The following NOMO2 variants were observed in gnomAD, a reference collection of about 807,000 sequenced individuals.
NOMO2 encodes NODAL modulator 2, also known as BOS complex subunit NOMO2.
In NOMO2, 14 loss-of-function variants were observed where a neutral mutation model predicts 67.1. The ratio of observed to expected loss-of-function variants is 0.21; its 90% CI spans 0.14 to 0.33. The LOEUF is 0.33. Among genes scored for constraint, NOMO2 ranks in the 10% least tolerant of loss-of-function variants. NOMO2 has a pLI of 1.00. For missense variants in NOMO2, 178 were observed against 761.0 expected (o/e 0.23, Z 9.01); for synonymous variants, 80 against 305.9 (o/e 0.26, Z 7.71).
At position 18,538,970 on chromosome 16, in the gene NOMO2, A is replaced by G; in HGVS notation, c.964-6T>C. 1.3e-6 allele frequency: 2 copies of G among 1,596,796 alleles called. No individual in the cohort carries two copies. Among genetic ancestry groups the G allele is most frequent in the Non-Finnish European group, 1.7e-6 (2 of 1,164,942 alleles). On this transcript the variant is annotated splice_polypyrimidine_tract_variant and splice_region_variant and intron_variant, in intron 9 of 30. Transcript: ENST00000622306. ...CCCATGACGTGGAACACGGGCTAGA[A>G]AACAAAGAACAAGAAGAAGGTGCTC...
chr16:18,528,030 G>A (rs539851520), intron 15 of NOMO2: 9 of 475,488 alleles, frequency 1.9e-5, no homozygotes, highest in East Asian at 1.2e-4. Flanking sequence ...TCTTTAGCTC[G>A]CTGGTCCCAG....
At chr16:18,561,193 A>AAAAAAAC (rs1902038304) in intron 1 of NOMO2, among the ~76,000 whole-genome samples, 1 of 143,850 alleles carries the variant, frequency 7.0e-6, no homozygotes, top group Non-Finnish European at 1.5e-5. Flanking sequence ...AAAAAAAAAA[A>AAAAAAAC]AAAAAAAAAA....
chr16:18,553,864 T>C (rs904851122), intron 3 of NOMO2, among the ~76,000 whole-genome samples: 4 of 141,536 alleles, frequency 2.8e-5, no homozygotes, highest in African/African-American at 1.0e-4. Flanking sequence ...AGAGCCAAAT[T>C]AGCTGTCAGC....
At chr16:18,550,834 G>A (rs978817514) in intron 4 of NOMO2, among the ~76,000 whole-genome samples, 2 of 151,940 alleles carry the variant, frequency 1.3e-5, no homozygotes, top group East Asian at 1.9e-4. Flanking sequence ...CTTCCAATTC[G>A]GCATCCCTGT....
intron 1 of NOMO2, 54 bp from the exon 2 acceptor site, chr16:18,557,845 T>A: frequency 6.4e-7 from 1 of 1,574,602 alleles, no homozygotes. Flanking sequence ...GGGAATTAAC[T>A]ACACATGTTA....
chr16:18,556,498 G>A (rs1389817051), intron 2 of NOMO2, among the ~76,000 whole-genome samples: 13 of 149,298 alleles, frequency 8.7e-5, no homozygotes, highest in Non-Finnish European at 1.5e-4. Flanking sequence ...AAGCATGCAA[G>A]AGGAAAAAAC....
chr16:18,558,746 T>G (rs1362313469), intron 1 of NOMO2: 7 of 436,994 alleles, frequency 1.6e-5, no homozygotes, highest in Non-Finnish European at 3.3e-5. Flanking sequence ...GTCTTCCACG[T>G]GTTGTGTGGC....
At chr16:18,528,801 CA>C (rs909988143) in intron 15 of NOMO2, among the ~76,000 whole-genome samples, 22 of 138,236 alleles carry the variant, frequency 1.6e-4, no homozygotes, top group Admixed American at 2.2e-4. Flanking sequence ...AACAAAAATA[CA>C]AAAAAAAAAG....
At chr16:18,543,172 T>C (rs1196491805) in intron 7 of NOMO2, among the ~76,000 whole-genome samples, 1 of 145,810 alleles carries the variant, frequency 6.9e-6, no homozygotes, top group Non-Finnish European at 1.5e-5. Flanking sequence ...AGACACATGA[T>C]ATTCTTGAAT....
In NOMO2 at chr16:18,531,612, G is replaced by A. The variant is rs775460033; in HGVS notation, c.1396-5C>T. On this transcript the variant is annotated splice_polypyrimidine_tract_variant and splice_region_variant and intron_variant, in intron 12 of 30. Coordinates refer to ENST00000622306, the MANE Select transcript of NOMO2 (RefSeq NM_173614.4). ...TTCTGCCTCAGGAACCATCACCTGCGGAAACGTGGATGGAACGTTAGAGGC... is the reference window on the plus strand; with the variant it reads ...TTCTGCCTCAGGAACCATCACCTGCAGAAACGTGGATGGAACGTTAGAGGC... 2.2e-5 allele frequency: 36 copies of A among 1,612,798 alleles called. No homozygotes were observed. Among genetic ancestry groups the A allele is most frequent in the Middle Eastern group, 1.6e-4 (1 of 6,074 alleles).
intron 2 of NOMO2, among the ~76,000 whole-genome samples, chr16:18,557,123 T>C (rs1468992723): frequency 6.6e-6 from 1 of 150,636 alleles, no homozygotes; most frequent in Non-Finnish European, 1.5e-5. Flanking sequence ...CGAGACTCCA[T>C]CTCAAAAGAA....
At chr16:18,531,333 C>T in intron 13 of NOMO2, 133 bp downstream of exon 13, 1 of 1,403,956 alleles carries the variant, frequency 7.1e-7, no homozygotes, top group South Asian at 1.3e-5. Context: ...ACCCACTTGA[C>T]TCCAAGAAGC....
chr16:18,561,585 AGGGTCTGGGTTTTGAGGATCTG>A (rs1238550293), intron 1 of NOMO2, among the ~76,000 whole-genome samples: 2 of 151,020 alleles, frequency 1.3e-5, no homozygotes, highest in Non-Finnish European at 2.9e-5. Context: ...CAGGGAATTT[AGGGTCTGGGTTTTGAGGATCTG>A]GGGTCTGTGT....
intron 9 of NOMO2, among the ~76,000 whole-genome samples, chr16:18,539,729 G>C (rs1017142435): frequency 3.3e-5 from 5 of 151,526 alleles, no homozygotes; most frequent in Non-Finnish European, 7.4e-5. Flanking sequence ...CCTGTGTGAC[G>C]CAGCAAGACT....
At chr16:18,561,257 A>G (rs886604109) in intron 1 of NOMO2, among the ~76,000 whole-genome samples, 7 of 150,110 alleles carry the variant, frequency 4.7e-5, no homozygotes, top group South Asian at 4.2e-4. Context: ...TAAGGCAATC[A>G]GGGCAGCTGG....
intron 16 of NOMO2, among the ~76,000 whole-genome samples, chr16:18,525,117 C>A (rs1178527373): frequency 6.7e-6 from 1 of 148,426 alleles, no homozygotes; most frequent in Non-Finnish European, 1.5e-5. Flanking sequence ...TCCCCCAAAT[C>A]ATCATTAACC....
intron 4 of NOMO2, among the ~76,000 whole-genome samples, 155 bp downstream of exon 4, chr16:18,551,284 A>G (rs865879698): frequency 6.6e-6 from 1 of 151,940 alleles, no homozygotes; most frequent in Non-Finnish European, 1.5e-5. Flanking sequence ...TTCTACACGG[A>G]TGAAGTACAG....
chr16:18,547,777 G>A (rs1401368072), intron 5 of NOMO2, among the ~76,000 whole-genome samples: 1 of 151,550 alleles, frequency 6.6e-6, no homozygotes, highest in African/African-American at 2.4e-5. Context: ...AAATGACACA[G>A]GGCAGGGTAA....
Position 18,531,223 on chromosome 16 carries a change from G to A in NOMO2, c.1538-55C>T, listed in dbSNP as rs576608658. The A allele has an allele frequency of 6.1e-4, 409 of 665,042 alleles. 2 individuals carry two copies. Among genetic ancestry groups the A allele is most frequent in the Non-Finnish European group, 8.9e-4 (339 of 378,822 alleles). The allele number at this position is 665,042 out of a possible 1,614,324, so 41.2% of individuals were successfully genotyped here. On this transcript the variant is annotated intron_variant, in intron 13 of 30. Transcript: ENST00000622306. ...TGACCCCTTATAAGGCTTCAGCACAGGTTCGAATCCTAACCCTATGTAATA... is the reference window on the plus strand; with the variant it reads ...TGACCCCTTATAAGGCTTCAGCACAAGTTCGAATCCTAACCCTATGTAATA...
Sources: gnomAD v4.1 joint callset for allele counts (sites outside exome capture counted in the v4.1 genomes callset) on GRCh38, gnomAD v4.1.1 for gene constraint, MANE v1.5 for transcripts, NCBI Gene and HGNC (gene_info 2026-07-23, HGNC 2026-07-21) for gene names.